The following PALLD variants were observed in gnomAD, a reference collection of about 807,000 sequenced individuals.
PALLD encodes palladin.
In PALLD, 61 loss-of-function variants were observed where a neutral mutation model predicts 123.5. The observed-to-expected ratio is 0.49, with a 90% confidence interval of 0.40 to 0.61. PALLD has a LOEUF of 0.61. PALLD is among the 20% of genes least tolerant of loss of function. The pLI is 0.00. For synonymous variants in PALLD, 465 were observed against 496.4 expected, an observed-to-expected ratio of 0.94 and a Z score of 0.84; for missense variants, 1,273 against 1,377.0, an observed-to-expected ratio of 0.92 and a Z score of 1.20.
At chr4:168,901,454 A>G (rs1756497228) in intron 14 of PALLD, among the ~76,000 whole-genome samples, 1 of 152,190 alleles carries the variant, frequency 6.6e-6, no homozygotes, top group Non-Finnish European at 1.5e-5. Context: ...TGCCAAGTAT[A>G]ATGGAGGTGA....
intron 10 of PALLD, among the ~76,000 whole-genome samples, chr4:168,830,044 C>A (rs953466206): frequency 6.6e-6 from 1 of 152,078 alleles, no homozygotes; most frequent in Non-Finnish European, 1.5e-5. Flanking sequence ...GCAGCTTGGC[C>A]AACATGGTGA....
At chr4:168,663,256 C>A (rs991013641) in intron 2 of PALLD, among the ~76,000 whole-genome samples, 2 of 152,156 alleles carry the variant, frequency 1.3e-5, no homozygotes, top group African/African-American at 4.8e-5. Context: ...GAGGAGGGGG[C>A]ATGCCACACC....
In PALLD at chr4:168,839,330, G is replaced by T. The variant is rs893514466; in HGVS notation, c.1965-51592G>T. Among the ~76,000 whole-genome samples, 5 of 152,040 alleles carry T rather than the reference G, an allele frequency of 3.3e-5. No individual in the cohort carries two copies. In the East Asian group the frequency reaches 9.6e-4, roughly 29 times the overall value. ...TCAAGCCTCATTCCCACCAGATGGTGCCCCTGTTGGGGGCAGTGAAGAAGC... is the reference window on the plus strand; with the variant it reads ...TCAAGCCTCATTCCCACCAGATGGTTCCCCTGTTGGGGGCAGTGAAGAAGC... On this transcript the variant is annotated intron_variant, in intron 10 of 21. Coordinates refer to ENST00000505667, the MANE Select transcript of PALLD (RefSeq NM_001166108.2).
intron 10 of PALLD, among the ~76,000 whole-genome samples, chr4:168,821,519 AT>A (rs1446300445): frequency 6.6e-6 from 1 of 152,152 alleles, no homozygotes; most frequent in African/African-American, 2.4e-5. Flanking sequence ...TTAATGTATT[AT>A]TACACATACA....
chr4:168,884,510 T>C (rs554644092), intron 10 of PALLD, among the ~76,000 whole-genome samples: 2 of 152,338 alleles, frequency 1.3e-5, no homozygotes, highest in African/African-American at 4.8e-5. Context: ...GACCACACTG[T>C]CTGATACAGT....
intron 10 of PALLD, among the ~76,000 whole-genome samples, chr4:168,734,860 G>A (rs1365339661): frequency 6.6e-6 from 1 of 152,026 alleles, no homozygotes; most frequent in African/African-American, 2.4e-5. Flanking sequence ...GGAGTTCAAG[G>A]TTGCAGTGAG....
chr4:168,641,190 AGAGC>A (rs1335930606), intron 2 of PALLD, among the ~76,000 whole-genome samples: 1 of 149,626 alleles, frequency 6.7e-6, no homozygotes, highest in Non-Finnish European at 1.5e-5. Flanking sequence ...CCTGGGCGAC[AGAGC>A]GAGACTCCAT....
intron 5 of PALLD, among the ~76,000 whole-genome samples, chr4:168,684,855 A>G (rs1033467780): frequency 6.6e-6 from 1 of 152,232 alleles, no homozygotes; most frequent in Non-Finnish European, 1.5e-5. Context: ...CCACTTACAT[A>G]AGTGAATAAA....
intron 1 of PALLD, among the ~76,000 whole-genome samples, chr4:168,508,135 G>A (rs999860773): frequency 1.3e-5 from 2 of 152,160 alleles, no homozygotes; most frequent in South Asian, 4.1e-4. Flanking sequence ...TGGCTAGAAG[G>A]AAGATGTTGA....
chr4:168,925,066 C>G lies in PALLD; in HGVS notation c.3346C>G (p.Leu1116Val). The G allele has an allele frequency of 6.2e-7, 1 of 1,614,060 alleles. No individual in the cohort carries two copies. Reference protein sequence around the residue: ...EAGIVSCTARLDVYISRH With the variant: ...EAGIVSCTARVDVYISRH ...AGGGATTGTGTCCTGTACTGCCAGG[C>G]TGGACGTTTACAGTGAGTGCCACTT... The change falls in exon 20 of 22, where the codon CTG becomes GTG. Residue 1116 changes from leucine to valine, a missense_variant. Transcript: ENST00000505667.
At chr4:168,855,793 C>A (rs959899137) in intron 10 of PALLD, among the ~76,000 whole-genome samples, 1 of 152,260 alleles carries the variant, frequency 6.6e-6, no homozygotes, top group Non-Finnish European at 1.5e-5. Flanking sequence ...GCTCAAAATA[C>A]TTCACATGTA....
At chr4:168,644,388 C>T (rs915827921) in intron 2 of PALLD, among the ~76,000 whole-genome samples, 7 of 152,022 alleles carry the variant, frequency 4.6e-5, no homozygotes, top group African/African-American at 1.2e-4. Context: ...TGCACGTGGC[C>T]GGATGTTGAT....
At chr4:168,644,087 A>T (rs1382953375) in intron 2 of PALLD, among the ~76,000 whole-genome samples, 1 of 145,864 alleles carries the variant, frequency 6.9e-6, no homozygotes, top group Non-Finnish European at 1.5e-5. Flanking sequence ...TTTGATGTTG[A>T]TATCTTTTTT....
chr4:168,745,332 C>T (rs1241996748), intron 10 of PALLD, among the ~76,000 whole-genome samples: 1 of 151,110 alleles, frequency 6.6e-6, no homozygotes, highest in African/African-American at 2.4e-5. Context: ...TTTGAATCAC[C>T]TTCATATGTC....
chr4:168,765,379 C>T (rs557711474), intron 10 of PALLD, among the ~76,000 whole-genome samples: 19 of 152,130 alleles, frequency 1.2e-4, no homozygotes, highest in South Asian at 8.3e-4. Context: ...GGAACTGCTG[C>T]GTTTTATAGG....
At chr4:168,746,731 G>T (rs77069146) in intron 10 of PALLD, among the ~76,000 whole-genome samples, 4,182 of 152,186 alleles carry the variant, frequency 0.027, 198 homozygotes, top group African/African-American at 0.094. Flanking sequence ...GAAACAAGTT[G>T]ATACATCAAG....
chr4:168,634,318 C>T (rs1369061257), intron 2 of PALLD, among the ~76,000 whole-genome samples: 1 of 152,180 alleles, frequency 6.6e-6, no homozygotes, highest in Non-Finnish European at 1.5e-5. Flanking sequence ...GTGACCTTCC[C>T]ATTTGTTGGT....
intron 10 of PALLD, among the ~76,000 whole-genome samples, chr4:168,826,942 C>T (rs1743500352): frequency 6.6e-6 from 1 of 152,184 alleles, no homozygotes. Context: ...CCCCTCCCGA[C>T]TCTGATTTTG....
At chr4:168,684,359 C>G (rs563010109) in intron 5 of PALLD, among the ~76,000 whole-genome samples, 2 of 152,264 alleles carry the variant, frequency 1.3e-5, no homozygotes, top group African/African-American at 4.8e-5. Context: ...ATGAAGCACC[C>G]AGAGAAACTC....
Sources: allele counts gnomAD v4.1 joint callset (sites outside exome capture counted in the v4.1 genomes callset), GRCh38; gene constraint gnomAD v4.1.1; transcripts MANE v1.5; gene names NCBI Gene and HGNC (gene_info 2026-07-23, HGNC 2026-07-21).